RELN: variants seen among roughly 807,000 people sequenced by gnomAD.
The protein encoded by RELN is reelin.
RELN carries 108 observed loss-of-function variants against 427.6 expected under a neutral mutation model. The observed-to-expected ratio is 0.25, with a 90% CI of 0.22 to 0.30. The LOEUF is 0.30. Among genes scored for constraint, RELN ranks in the 10% least tolerant of loss-of-function variants. The pLI, the probability that RELN is intolerant of heterozygous loss-of-function variation, is 1.00. For missense variants in RELN, 3,715 were observed against 4,302.8 expected, an observed-to-expected ratio of 0.86 and a Z score of 3.82; for synonymous variants, 1,524 against 1,513.4, an observed-to-expected ratio of 1.01 and a Z score of -0.16.
chr7:103,922,170 T>A (rs547917063), intron 1 of RELN, among the ~76,000 whole-genome samples: 1 of 152,178 alleles, frequency 6.6e-6, no homozygotes, highest in Non-Finnish European at 1.5e-5. Context: ...GCCATTGTTA[T>A]TCTTAGAGAT....
At chr7:103,627,331 T>G (rs1230363005) in intron 20 of RELN, among the ~76,000 whole-genome samples, 1 of 152,136 alleles carries the variant, frequency 6.6e-6, no homozygotes, top group Admixed American at 6.6e-5. Flanking sequence ...TTATAATAAA[T>G]AGTTGGTCAA....
rs568310586 is a variant in RELN, at chr7:103,955,661, T to C, written c.226+33470A>G. 6.6e-5 allele frequency among the ~76,000 whole-genome samples: 10 copies of C among 152,356 alleles called. No homozygotes were observed. In the East Asian group the frequency reaches 1.9e-3, roughly 29 times the overall value. ...GTTTTACTTTCCTGGCTCAGGTTTC[T>C]GACAGTGAGTTGGGCACTGTAAGGC... On this transcript the variant is annotated intron_variant, in intron 1 of 64. Transcript: ENST00000428762.
intron 11 of RELN, among the ~76,000 whole-genome samples, chr7:103,671,945 T>C (rs1383392377): frequency 1.3e-5 from 2 of 152,196 alleles, no homozygotes; most frequent in Non-Finnish European, 2.9e-5. Flanking sequence ...TTCATTTACC[T>C]TGAATTGCAA....
At chr7:103,617,366 A>T (rs1325218982) in intron 20 of RELN, among the ~76,000 whole-genome samples, 1 of 152,056 alleles carries the variant, frequency 6.6e-6, no homozygotes, top group Non-Finnish European at 1.5e-5. Flanking sequence ...CAAGTTTAAA[A>T]CTTTTAAGTA....
At chr7:103,528,809 A>G (rs1272447285) in intron 46 of RELN, among the ~76,000 whole-genome samples, 2 of 151,590 alleles carry the variant, frequency 1.3e-5, no homozygotes, top group Non-Finnish European at 2.9e-5. Flanking sequence ...GATTACAGAC[A>G]TGAGCCACTG....
At chr7:103,740,518 T>C (rs1790615570) in intron 6 of RELN, among the ~76,000 whole-genome samples, 1 of 152,222 alleles carries the variant, frequency 6.6e-6, no homozygotes, top group Non-Finnish European at 1.5e-5. Context: ...TGAGTTGACA[T>C]AAAAAACATT....
Position 103,611,352 on chromosome 7 carries a change from T to C in RELN, c.2895+259A>G, listed in dbSNP as rs145952336. ...GATAGAGAAAATAATACTCAAAACA[T>C]CATTTGAGGGTAGCCAGTTTTGGAA... On this transcript the variant is annotated intron_variant, in intron 21 of 64. Coordinates refer to ENST00000428762, the MANE Select transcript of RELN (RefSeq NM_005045.4). Among the ~76,000 whole-genome samples, 291 of 152,276 alleles carry C rather than the reference T, an allele frequency of 1.9e-3. 2 individuals carry two copies. Among genetic ancestry groups the C allele is most frequent in the African/African-American group, 6.7e-3 (280 of 41,570 alleles).
intron 1 of RELN, among the ~76,000 whole-genome samples, chr7:103,965,485 T>C (rs1014844383): frequency 8.5e-5 from 13 of 152,214 alleles, no homozygotes; most frequent in Admixed American, 6.5e-5. Flanking sequence ...CCTATACTCA[T>C]AAAATCATGT....
At chr7:103,708,867 G>A (rs1055417568) in intron 8 of RELN, among the ~76,000 whole-genome samples, 20 of 152,060 alleles carry the variant, frequency 1.3e-4, no homozygotes, top group African/African-American at 4.6e-4. Flanking sequence ...TGCTAACCCC[G>A]TCACTCGTTG....
At chr7:103,827,756 T>G (rs1303023423) in intron 3 of RELN, among the ~76,000 whole-genome samples, 1 of 151,894 alleles carries the variant, frequency 6.6e-6, no homozygotes, top group Non-Finnish European at 1.5e-5. Context: ...TGAGCAGCAC[T>G]GACATTGTCT....
intron 2 of RELN, among the ~76,000 whole-genome samples, chr7:103,848,570 C>T (rs143054946): frequency 6.6e-5 from 10 of 152,242 alleles, no homozygotes; most frequent in African/African-American, 2.4e-4. Flanking sequence ...ATACTGATCT[C>T]GCCATACTGG....
chr7:103,476,785 AT>A, intron 64 of RELN: 6 of 332,232 alleles, frequency 1.8e-5, no homozygotes, highest in South Asian at 1.1e-4. Context: ...ATATTTACTC[AT>A]TTTTTGGTGT....
chr7:103,713,680 G>C (rs62482634), intron 8 of RELN, among the ~76,000 whole-genome samples: 40,221 of 149,290 alleles, frequency 0.27, 5,518 homozygotes, highest in South Asian at 0.38. Context: ...TTTTTTGAAG[G>C]TAAGAGTGAA....
chr7:103,631,187 T>C (rs1832456401), intron 19 of RELN, among the ~76,000 whole-genome samples: 1 of 151,742 alleles, frequency 6.6e-6, no homozygotes, highest in Non-Finnish European at 1.5e-5. Flanking sequence ...TAGGACTTGT[T>C]GCAATAGAAG....
chr7:103,618,786 G>C (rs866948337), intron 20 of RELN, among the ~76,000 whole-genome samples: 2 of 152,280 alleles, frequency 1.3e-5, no homozygotes, highest in Middle Eastern at 3.4e-3. Context: ...CTAGTAAAAA[G>C]CATAAGTTGA....
intron 2 of RELN, among the ~76,000 whole-genome samples, chr7:103,856,385 C>G (rs13232879): frequency 0.14 from 21,669 of 151,374 alleles, 1,839 homozygotes; most frequent in East Asian, 0.34. Flanking sequence ...GCCTGACCAA[C>G]ATGGTGAAAC....
chr7:103,866,051 T>C (rs1563059178), intron 2 of RELN, among the ~76,000 whole-genome samples: 1 of 152,148 alleles, frequency 6.6e-6, no homozygotes, highest in Non-Finnish European at 1.5e-5. Context: ...TAATATTTTA[T>C]TGACAGTATG....
rs71110838 is a variant in RELN at position 103,491,856 on chromosome 7, TCACACA to T, written c.9443+91_9443+96del. The T allele has an allele frequency of 2.8e-3, 814 of 288,370 alleles. 14 individuals are homozygous for T. The highest frequency in any genetic ancestry group is 0.025 in the African/African-American group (690 of 27,508). The allele number at this position is 288,370 out of a possible 1,614,324, so 17.9% of individuals were successfully genotyped here. A position where few individuals can be genotyped will look rare whatever the true frequency, so the allele number is the denominator to read the frequency against. ...CTCTCTCTCTCTCTCTCTCTCTCTC[TCACACA>T]CACACACACACACACACACACACAC... On this transcript the variant is annotated intron_variant, in intron 58 of 64. Coordinates refer to ENST00000428762, the MANE Select transcript of RELN (RefSeq NM_005045.4).
intron 63 of RELN, among the ~76,000 whole-genome samples, chr7:103,481,423 T>A (rs1828232652): frequency 6.6e-6 from 1 of 152,138 alleles, no homozygotes; most frequent in Non-Finnish European, 1.5e-5. Context: ...TAATGCAAAT[T>A]GTATTGGCAA....
Sources: allele counts gnomAD v4.1 joint callset (sites outside exome capture counted in the v4.1 genomes callset), GRCh38; gene constraint gnomAD v4.1.1; transcripts MANE v1.5; gene names NCBI Gene and HGNC (gene_info 2026-07-23, HGNC 2026-07-21).